Variants in LRP1B observed in about 807,000 individuals in gnomAD.
The protein encoded by LRP1B is LDL receptor related protein 1B.
Under a neutral mutation model 556.6 loss-of-function variants are expected in LRP1B, and 217 were observed. The observed-to-expected ratio is 0.39, with a 90% CI of 0.35 to 0.44. The LOEUF is 0.44. Ranked by LOEUF, LRP1B falls within the 20% of genes least tolerant of loss-of-function variation. LRP1B has a pLI of 1.00. For missense variants in LRP1B, 5,053 were observed against 5,620.8 expected, an observed-to-expected ratio of 0.90 and a Z score of 3.23; for synonymous variants, 2,047 against 1,865.8, an observed-to-expected ratio of 1.10 and a Z score of -2.50.
At chr2:141,051,860 GTA>G in intron 10 of LRP1B, among the ~76,000 whole-genome samples, 1 of 151,974 alleles carries the variant, frequency 6.6e-6, no homozygotes, top group East Asian at 1.9e-4. Flanking sequence ...TTTCATTGCT[GTA>G]TAGCATTCCT....
chr2:140,371,008 A>G (rs944573056), intron 70 of LRP1B, among the ~76,000 whole-genome samples, 166 bp from the exon 71 acceptor site: 2 of 152,070 alleles, frequency 1.3e-5, no homozygotes, highest in Non-Finnish European at 2.9e-5. Flanking sequence ...GCTTTAGTAT[A>G]TGGACAGCAT....
chr2:140,809,407 T>C (rs1281708459), intron 32 of LRP1B, among the ~76,000 whole-genome samples: 2 of 152,156 alleles, frequency 1.3e-5, no homozygotes, highest in African/African-American at 4.8e-5. Flanking sequence ...TGTTCTACCA[T>C]AAGTGGGACT....
intron 1 of LRP1B, among the ~76,000 whole-genome samples, chr2:142,078,178 C>G (rs1357695239): frequency 6.6e-6 from 1 of 152,228 alleles, no homozygotes; most frequent in Non-Finnish European, 1.5e-5. Context: ...GCTTGGGGCT[C>G]TCTACAAACT....
At chr2:141,476,437 A>C (rs1682707234) in intron 3 of LRP1B, among the ~76,000 whole-genome samples, 1 of 152,172 alleles carries the variant, frequency 6.6e-6, no homozygotes, top group Admixed American at 6.5e-5. Flanking sequence ...CAATTAGACA[A>C]GGTGATATTA....
chr2:141,512,256 G>A (rs1684159045), intron 2 of LRP1B, among the ~76,000 whole-genome samples: 1 of 152,072 alleles, frequency 6.6e-6, no homozygotes, highest in African/African-American at 2.4e-5. Context: ...TTCGGGGGAG[G>A]TGAGTATTGT....
chr2:140,840,721 T>C (rs1344757628), intron 30 of LRP1B, among the ~76,000 whole-genome samples, 197 bp downstream of exon 30: 3 of 152,184 alleles, frequency 2.0e-5, no homozygotes, highest in African/African-American at 7.2e-5. Context: ...CAGATATATG[T>C]TGGTGTAGGA....
At chr2:141,458,508 C>T (rs1235458816) in intron 3 of LRP1B, among the ~76,000 whole-genome samples, 1 of 152,152 alleles carries the variant, frequency 6.6e-6, no homozygotes, top group East Asian at 1.9e-4. Flanking sequence ...CAAGACACAA[C>T]ATTAATCCTG....
At chr2:140,550,264 C>T (rs1221744689) in intron 43 of LRP1B, among the ~76,000 whole-genome samples, 2 of 152,096 alleles carry the variant, frequency 1.3e-5, no homozygotes, top group Non-Finnish European at 2.9e-5. Context: ...CGCTTCACTT[C>T]ATTACCCACT....
intron 25 of LRP1B, among the ~76,000 whole-genome samples, chr2:140,868,892 GAGAC>G (rs1412330122): frequency 6.6e-6 from 1 of 151,992 alleles, no homozygotes; most frequent in Non-Finnish European, 1.5e-5. Flanking sequence ...ACAGCGACAG[GAGAC>G]AGACAAATTC....
intron 31 of LRP1B, among the ~76,000 whole-genome samples, chr2:140,839,554 G>A (rs775759842): frequency 2.3e-4 from 35 of 152,152 alleles, no homozygotes; most frequent in Non-Finnish European, 4.4e-4. Flanking sequence ...GCCCTCAAAC[G>A]TCACACTTCA....
chr2:141,415,437 A>T (rs774566457), intron 3 of LRP1B, among the ~76,000 whole-genome samples: 1 of 152,200 alleles, frequency 6.6e-6, no homozygotes, highest in Non-Finnish European at 1.5e-5. Context: ...ATTGAGAGAT[A>T]TTAATGGTTG....
chr2:142,079,795 C>T (rs1016042631), intron 1 of LRP1B, among the ~76,000 whole-genome samples: 1 of 152,182 alleles, frequency 6.6e-6, no homozygotes, highest in Non-Finnish European at 1.5e-5. Context: ...CAAGCATGAG[C>T]CACTGCGCCC....
intron 67 of LRP1B, among the ~76,000 whole-genome samples, chr2:140,378,595 A>G (rs1179393198): frequency 6.6e-6 from 1 of 152,170 alleles, no homozygotes; most frequent in Non-Finnish European, 1.5e-5. Context: ...TACTGTAACA[A>G]TGATCTTTTT....
chr2:141,576,767 A>AG (rs1230251225), intron 2 of LRP1B, among the ~76,000 whole-genome samples: 1 of 128,156 alleles, frequency 7.8e-6, no homozygotes, highest in African/African-American at 2.7e-5. Flanking sequence ...AAAAAAAAAA[A>AG]AAAAGCTTCA....
At chr2:142,069,388 C>T (rs983886277) in intron 1 of LRP1B, among the ~76,000 whole-genome samples, 2 of 151,486 alleles carry the variant, frequency 1.3e-5, no homozygotes, top group Non-Finnish European at 3.0e-5. Context: ...CACATTAATA[C>T]TCTTGGGAAG....
chr2:140,748,609 A>G (rs549877387), intron 35 of LRP1B, among the ~76,000 whole-genome samples: 5 of 110,190 alleles, frequency 4.5e-5, no homozygotes, highest in East Asian at 2.6e-4. Flanking sequence ...ATATATATAT[A>G]TATATATATA....
At chr2:141,464,606 A>ATATATATTTTTTTTTTTTTTTT in intron 3 of LRP1B, among the ~76,000 whole-genome samples, 3 of 90,560 alleles carry the variant, frequency 3.3e-5, no homozygotes, top group East Asian at 2.8e-4. Context: ...ATATATATAT[A>ATATATATTTTTTTTTTTTTTTT]TTTTTTTAGT....
At chr2:140,622,857 C>T (rs1409454445) in intron 41 of LRP1B, among the ~76,000 whole-genome samples, 3 of 152,232 alleles carry the variant, frequency 2.0e-5, no homozygotes, top group East Asian at 1.9e-4. Context: ...CATCTTAATT[C>T]TGGGAACATG....
intron 43 of LRP1B, among the ~76,000 whole-genome samples, chr2:140,586,209 C>A (rs6733019): frequency 0.026 from 3,888 of 152,178 alleles, 133 homozygotes; most frequent in African/African-American, 0.077. Flanking sequence ...GAAAAAGCAA[C>A]CCAGCTGGGT....
Sources: allele counts gnomAD v4.1 joint callset (sites outside exome capture counted in the v4.1 genomes callset), GRCh38; gene constraint gnomAD v4.1.1; transcripts MANE v1.5; gene names NCBI Gene and HGNC (gene_info 2026-07-23, HGNC 2026-07-21).